Variants in FMN1 observed in about 807,000 individuals in gnomAD.
The protein encoded by FMN1 is formin 1, also known as formin-1.
Under a neutral mutation model 132.4 loss-of-function variants are expected in FMN1, and 110 were observed. That is an observed-to-expected ratio of 0.83 (90% CI 0.71 to 0.97). FMN1 has a LOEUF of 0.97. Among genes scored for constraint, FMN1 ranks in the 50% least tolerant of loss-of-function variants. The pLI is 0.00. For synonymous variants in FMN1, 722 were observed against 651.7 expected, an observed-to-expected ratio of 1.11 and a Z score of -1.64; for missense variants, 1,792 against 1,705.3, an observed-to-expected ratio of 1.05 and a Z score of -0.90.
intron 4 of FMN1, among the ~76,000 whole-genome samples, chr15:33,128,794 C>T (rs139508608): frequency 2.7e-4 from 41 of 152,342 alleles, no homozygotes; most frequent in Non-Finnish European, 1.0e-4. Flanking sequence ...TGAGCAGCAG[C>T]AAGATTTACT....
intron 6 of FMN1, among the ~76,000 whole-genome samples, chr15:33,051,294 G>T (rs1045610341): frequency 6.6e-6 from 1 of 152,132 alleles, no homozygotes; most frequent in African/African-American, 2.4e-5. Flanking sequence ...AGGTTAAGGT[G>T]AATTATGGCT....
chr15:32,919,897 T>C (rs2060779068), intron 10 of FMN1, among the ~76,000 whole-genome samples: 1 of 152,208 alleles, frequency 6.6e-6, no homozygotes, highest in Non-Finnish European at 1.5e-5. Flanking sequence ...AGACCTGGGT[T>C]TTAGACTCTG....
At chr15:33,075,695 G>C (rs1173448319) in intron 5 of FMN1, among the ~76,000 whole-genome samples, 1 of 152,150 alleles carries the variant, frequency 6.6e-6, no homozygotes, top group African/African-American at 2.4e-5. Flanking sequence ...CATGAATTTG[G>C]GGTTTCTTCC....
intron 10 of FMN1, among the ~76,000 whole-genome samples, chr15:32,911,308 A>G (rs1235613010): frequency 2.6e-5 from 4 of 152,126 alleles, no homozygotes; most frequent in African/African-American, 9.7e-5. Flanking sequence ...ACATCTTTAA[A>G]TAATTATTCA....
At chr15:32,945,573 G>C (rs2061492417) in intron 9 of FMN1, among the ~76,000 whole-genome samples, 1 of 152,126 alleles carries the variant, frequency 6.6e-6, no homozygotes, top group South Asian at 2.1e-4. Context: ...CTTTTGGAAA[G>C]AACACATGCT....
Position 32,770,131 on chromosome 15 carries a change from G to A in FMN1, c.*4179C>T, listed in dbSNP as rs552082447. On this transcript the variant is annotated 3_prime_UTR_variant, in exon 21 of 21. Transcript: ENST00000616417. ...TGATTTTATCTTTGTTGTTTTTGTG[G>A]ATGGAGATGAGTACTACAAAATTGA... is the stretch of plus-strand genomic sequence containing the variant. 18 of 152,208 alleles carry A rather than the reference G, an allele frequency of 1.2e-4. No individual in the cohort carries two copies. In the South Asian group the frequency reaches 3.7e-3, roughly 32 times the overall value. The allele number at this position is 152,208 out of a possible 1,614,324, so 9.4% of individuals were successfully genotyped here.
intron 3 of FMN1, among the ~76,000 whole-genome samples, chr15:33,165,557 A>C (rs1447144758): frequency 6.6e-6 from 1 of 151,872 alleles, no homozygotes; most frequent in Non-Finnish European, 1.5e-5. Context: ...CGCCCGGCTA[A>C]TTTTTTTGTA....
At chr15:32,975,633 A>T (rs948988587) in intron 7 of FMN1, among the ~76,000 whole-genome samples, 5 of 149,974 alleles carry the variant, frequency 3.3e-5, no homozygotes, top group Non-Finnish European at 7.4e-5. Flanking sequence ...AAACATCCAA[A>T]TTTTTTTTTT....
intron 6 of FMN1, among the ~76,000 whole-genome samples, chr15:33,060,476 G>A (rs1595377396): frequency 6.6e-6 from 1 of 152,256 alleles, no homozygotes; most frequent in African/African-American, 2.4e-5. Flanking sequence ...TTAAATTGAG[G>A]AATGGTTTAT....
chr15:32,889,348 T>C (rs1478354131), intron 15 of FMN1, among the ~76,000 whole-genome samples: 4 of 152,356 alleles, frequency 2.6e-5, no homozygotes, highest in East Asian at 1.9e-4. Flanking sequence ...GTATCTTGCA[T>C]GTCTTAGGCC....
At chr15:33,001,646 G>C (rs1566811362) in intron 7 of FMN1, among the ~76,000 whole-genome samples, 1 of 122,060 alleles carries the variant, frequency 8.2e-6, no homozygotes, top group East Asian at 2.7e-4. Context: ...TTTTTTGGTT[G>C]AGGACATATT....
At chr15:32,932,034 G>T (rs1245676813) in intron 9 of FMN1, among the ~76,000 whole-genome samples, 1 of 151,962 alleles carries the variant, frequency 6.6e-6, no homozygotes, top group Non-Finnish European at 1.5e-5. Context: ...TTCATATGTT[G>T]AACCTTCCTT....
intron 6 of FMN1, among the ~76,000 whole-genome samples, chr15:33,034,553 G>A (rs1336941462): frequency 6.6e-6 from 1 of 152,102 alleles, no homozygotes; most frequent in Non-Finnish European, 1.5e-5. Flanking sequence ...CTCTAGCCTG[G>A]GCAACAGAGA....
rs535778019 is a variant in FMN1, at chr15:32,934,964, CCAGA to C, written c.3139-8707_3139-8704del. On this transcript the variant is annotated intron_variant, in intron 9 of 20. Transcript: ENST00000616417. ...TTGAGACACAGTCTTGCTCTGTCGC[CCAGA>C]CAGAGTGCAATGGCATGATCTCCAC... Among the ~76,000 whole-genome samples, 450 of 151,662 alleles carry C rather than the reference CCAGA, an allele frequency of 3.0e-3. 4 individuals carry two copies. The highest frequency in any genetic ancestry group is 6.8e-3 in the Middle Eastern group (2 of 292).
intron 4 of FMN1, among the ~76,000 whole-genome samples, chr15:33,118,559 G>C (rs973652583): frequency 1.2e-4 from 19 of 152,054 alleles, no homozygotes; most frequent in Non-Finnish European, 1.9e-4. Context: ...TTGTTGATAA[G>C]AATCAAGTGA....
Position 32,835,012 on chromosome 15 carries a change from G to A in FMN1, c.3928+22003C>T, listed in dbSNP as rs145202456. On this transcript the variant is annotated intron_variant, in intron 17 of 20. Transcript: ENST00000616417. The stretch of plus-strand genomic sequence containing the variant: ...TGGCTTTGGATACTCTCAGAGGGAA[G>A]GCATCACCTTTGTTAGAGTTTGTGA... Among the ~76,000 whole-genome samples the A allele has an allele frequency of 5.3e-5, 8 of 152,300 alleles. No homozygotes were observed. The East Asian group carries it at 1.5e-3, about 29-fold the overall frequency.
chr15:32,879,860 G>T (rs148278112), intron 16 of FMN1, among the ~76,000 whole-genome samples: 31 of 130,302 alleles, frequency 2.4e-4, no homozygotes, highest in African/African-American at 8.5e-4. Flanking sequence ...GGGATTTTTT[G>T]TTTTTATGTA....
At chr15:33,016,597 C>T (rs1048187621) in intron 6 of FMN1, among the ~76,000 whole-genome samples, 1 of 152,208 alleles carries the variant, frequency 6.6e-6, no homozygotes, top group Non-Finnish European at 1.5e-5. Context: ...AGCTTTTTAA[C>T]TGGGTGTCTC....
intron 9 of FMN1, among the ~76,000 whole-genome samples, chr15:32,956,849 A>G (rs2061780321): frequency 6.6e-6 from 1 of 152,204 alleles, no homozygotes; most frequent in Admixed American, 6.5e-5. Context: ...CTATAAATTT[A>G]TGTTCAGGCT....
Sources: gnomAD v4.1 joint callset for allele counts (sites outside exome capture counted in the v4.1 genomes callset) on GRCh38, gnomAD v4.1.1 for gene constraint, MANE v1.5 for transcripts, NCBI Gene and HGNC (gene_info 2026-07-23, HGNC 2026-07-21) for gene names.